The following AGMO variants were observed in gnomAD, a reference collection of about 807,000 sequenced individuals.
AGMO encodes the protein glyceryl-ether monooxygenase.
AGMO carries 75 observed loss-of-function variants against 60.2 expected under a neutral mutation model. That is an observed-to-expected ratio of 1.25 (90% CI 1.03 to 1.51). The LOEUF is 1.51. AGMO is among the 40% of genes most tolerant of loss of function. The probability of loss-of-function intolerance (pLI) is 0.00; values close to 1 mark genes in which losing one functional copy is unlikely to be tolerated. For missense variants in AGMO, 763 were observed against 525.5 expected (o/e 1.45, Z -4.42); for synonymous variants, 261 against 177.1 (o/e 1.47, Z -3.76).
intron 12 of AGMO, among the ~76,000 whole-genome samples, chr7:15,336,217 G>A (rs997529838): frequency 1.3e-5 from 2 of 151,908 alleles, no homozygotes; most frequent in Non-Finnish European, 2.9e-5. Context: ...CACAAATTAT[G>A]ATGGCAAAAG....
At position 15,261,186 on chromosome 7, in the gene AGMO, C is replaced by CA. The variant is rs918747636; in HGVS notation, c.1264-59828dup. 4.4e-4 allele frequency among the ~76,000 whole-genome samples: 67 copies of CA among 151,088 alleles called. 1 individual carries two copies. The highest frequency in any genetic ancestry group is 1.2e-3 in the African/African-American group (48 of 41,308). ...AGAGCAGAACTAAATGAAATTGAAA[C>CA]AAAAAAAATACAAAAGATAAATTAA... On this transcript the variant is annotated intron_variant, in intron 12 of 12. Transcript: ENST00000342526.
At chr7:15,209,928 T>C (rs2115475357) in intron 12 of AGMO, among the ~76,000 whole-genome samples, 1 of 152,188 alleles carries the variant, frequency 6.6e-6, no homozygotes, top group Middle Eastern at 3.4e-3. Flanking sequence ...ACATAAACAC[T>C]ACAAACATTC....
intron 12 of AGMO, among the ~76,000 whole-genome samples, chr7:15,357,870 C>T (rs1782601864): frequency 6.6e-6 from 1 of 152,092 alleles, no homozygotes; most frequent in South Asian, 2.1e-4. Flanking sequence ...TGCTTTAAGC[C>T]ATTAAGTTTT....
intron 3 of AGMO, among the ~76,000 whole-genome samples, chr7:15,445,708 C>G (rs1781682167): frequency 6.6e-6 from 1 of 152,018 alleles, no homozygotes; most frequent in African/African-American, 2.4e-5. Flanking sequence ...ATGACTACAC[C>G]AAATGTCCCA....
At chr7:15,488,851 A>G (rs4721444) in intron 3 of AGMO, among the ~76,000 whole-genome samples, 82,436 of 151,766 alleles carry the variant, frequency 0.54, 25,131 homozygotes, top group East Asian at 0.96. Flanking sequence ...TAGAAATATA[A>G]TTTTTACCAA....
chr7:15,192,601 A>C, the AGMO span, among the ~76,000 whole-genome samples: 4 of 152,156 alleles, frequency 2.6e-5, no homozygotes, highest in Non-Finnish European at 4.4e-5. Flanking sequence ...TCCAGGTACC[A>C]AGAGCGCAGG....
chr7:15,324,372 G>A (rs988621781), intron 12 of AGMO, among the ~76,000 whole-genome samples: 1 of 152,144 alleles, frequency 6.6e-6, no homozygotes, highest in African/African-American at 2.4e-5. Context: ...CCTAGTTGCT[G>A]ATGTTCTATC....
chr7:15,241,251 G>A (rs1249292730), intron 12 of AGMO, among the ~76,000 whole-genome samples: 1 of 151,614 alleles, frequency 6.6e-6, no homozygotes, highest in East Asian at 2.0e-4. Flanking sequence ...ACGAGGTCAG[G>A]AGATCGAGAC....
At chr7:15,369,984 T>C (rs897320946) in intron 10 of AGMO, among the ~76,000 whole-genome samples, 4 of 152,132 alleles carry the variant, frequency 2.6e-5, no homozygotes, top group Admixed American at 2.6e-4. Context: ...GATGCTGAGG[T>C]TTGAGATAGG....
At chr7:15,118,232 T>A in the AGMO span, among the ~76,000 whole-genome samples, 1 of 146,406 alleles carries the variant, frequency 6.8e-6, no homozygotes, top group Non-Finnish European at 1.5e-5. Context: ...AGATAAATAT[T>A]TCAGATAGAA....
chr7:15,256,424 G>C (rs544475765), intron 12 of AGMO, among the ~76,000 whole-genome samples: 9 of 152,200 alleles, frequency 5.9e-5, no homozygotes, highest in African/African-American at 2.2e-4. Flanking sequence ...CTCACTGCAA[G>C]CTCCGCCTCC....
chr7:15,353,280 A>C (rs1401236159), intron 12 of AGMO, among the ~76,000 whole-genome samples: 1 of 152,208 alleles, frequency 6.6e-6, no homozygotes, highest in African/African-American at 2.4e-5. Flanking sequence ...GAGATGTGTC[A>C]ACAGGGTGGA....
chr7:15,440,060 G>A (rs1472308996), intron 3 of AGMO, among the ~76,000 whole-genome samples: 1 of 152,172 alleles, frequency 6.6e-6, no homozygotes, highest in African/African-American at 2.4e-5. Context: ...GCGAGAGGGG[G>A]TTTCTGATCT....
chr7:15,300,547 C>T (rs1479287538), intron 12 of AGMO, among the ~76,000 whole-genome samples: 1 of 151,866 alleles, frequency 6.6e-6, no homozygotes, highest in Non-Finnish European at 1.5e-5. Flanking sequence ...TATTTTAAAA[C>T]CCTTAAAGAG....
intron 6 of AGMO, among the ~76,000 whole-genome samples, chr7:15,391,693 GGA>G (rs984171821): frequency 6.6e-6 from 1 of 152,112 alleles, no homozygotes; most frequent in Non-Finnish European, 1.5e-5. Context: ...TAGTATAAAA[GGA>G]GAGAGAGATT....
At chr7:15,122,190 G>T in the AGMO span, among the ~76,000 whole-genome samples, 1 of 151,924 alleles carries the variant, frequency 6.6e-6, no homozygotes, top group Non-Finnish European at 1.5e-5. Flanking sequence ...AAATCTCCAA[G>T]GAACTTAAAC....
intron 2 of AGMO, among the ~76,000 whole-genome samples, chr7:15,554,471 T>G (rs1785070560): frequency 1.3e-5 from 2 of 152,038 alleles, no homozygotes; most frequent in African/African-American, 2.4e-5. Context: ...ATTAGCAACC[T>G]GCATATAGAG....
At chr7:15,461,505 C>A (rs1782141680) in intron 3 of AGMO, among the ~76,000 whole-genome samples, 1 of 151,900 alleles carries the variant, frequency 6.6e-6, no homozygotes, top group Non-Finnish European at 1.5e-5. Context: ...GTGGTCTACT[C>A]AAAAATTAGG....
the AGMO span, among the ~76,000 whole-genome samples, chr7:15,184,506 GAAGGAAGGA>G: frequency 1.2e-4 from 13 of 112,578 alleles, no homozygotes; most frequent in African/African-American, 4.6e-4. Flanking sequence ...GGAAGGAATA[GAAGGAAGGA>G]AGGGAGGGAG....
Sources: allele counts gnomAD v4.1 joint callset (sites outside exome capture counted in the v4.1 genomes callset), GRCh38; gene constraint gnomAD v4.1.1; transcripts MANE v1.5; gene names NCBI Gene and HGNC (gene_info 2026-07-23, HGNC 2026-07-21).